The following AHCY variants were observed in gnomAD, a reference collection of about 807,000 sequenced individuals.
AHCY encodes the protein S-adenosyl-L-homocysteine hydrolase.
AHCY carries 24 observed loss-of-function variants against 45.4 expected under a neutral mutation model. That is an observed-to-expected ratio of 0.53 (90% CI 0.38 to 0.74). The LOEUF is 0.74. AHCY is among the 30% of genes least tolerant of loss of function. AHCY has a pLI of 0.00. For synonymous variants in AHCY, 245 were observed against 235.1 expected (o/e 1.04, Z -0.39); for missense variants, 449 against 594.1 (o/e 0.76, Z 2.54).
chr20:34,302,474 G>T, intron 1 of AHCY: 2 of 463,934 alleles, frequency 4.3e-6, no homozygotes, highest in Non-Finnish European at 5.7e-6. Context: ...CTGTAAGACT[G>T]AGGGCAAGTT....
At chr20:34,236,928 A>T in the AHCY span, among the ~76,000 whole-genome samples, 1 of 152,150 alleles carries the variant, frequency 6.6e-6, no homozygotes, top group Non-Finnish European at 1.5e-5. Context: ...GCATGTAGAT[A>T]TCCACTTTTC....
intron 1 of AHCY, chr20:34,302,820 C>G: frequency 9.7e-7 from 1 of 1,030,218 alleles, no homozygotes; most frequent in Non-Finnish European, 1.2e-6. Context: ...CCTCGCCGTC[C>G]CTGTAGGAGG....
chr20:34,281,348 C>T (rs750633488), intron 9 of AHCY, among the ~76,000 whole-genome samples, 183 bp from the exon 10 acceptor site: 9 of 152,226 alleles, frequency 5.9e-5, no homozygotes, highest in Non-Finnish European at 1.0e-4. Flanking sequence ...CCCAGCCCCC[C>T]TCAAAAGGGA....
rs763399683 is a variant in AHCY, at chr20:34,290,951, G to A, written c.559-13C>T. 6.2e-7 allele frequency: 1 copy of A among 1,613,792 alleles called. No homozygotes were observed. Among genetic ancestry groups the A allele is most frequent in the South Asian group, 1.1e-5 (1 of 91,054 alleles). On this transcript the variant is annotated splice_polypyrimidine_tract_variant and intron_variant, in intron 5 of 9. Transcript: ENST00000217426. The surrounding 1 kb of genome is among the most constrained non-coding windows in gnomAD (Gnocchi z 4.5). ...TGTCAAACTTGCTCTGAAAGGAAAGGGGGTAAGGAGACAATAGGGGCAGGC... is the reference window on the plus strand; with the variant it reads ...TGTCAAACTTGCTCTGAAAGGAAAGAGGGTAAGGAGACAATAGGGGCAGGC...
chr20:34,247,389 C>T, the AHCY span, among the ~76,000 whole-genome samples: 1 of 150,986 alleles, frequency 6.6e-6, no homozygotes, highest in South Asian at 2.1e-4. Context: ...CAACCTCCGC[C>T]TCCCGGGTTC....
intron 1 of AHCY, among the ~76,000 whole-genome samples, chr20:34,311,184 CA>C (rs1410789158): frequency 2.6e-5 from 4 of 152,182 alleles, no homozygotes; most frequent in Non-Finnish European, 5.9e-5. Flanking sequence ...GGACAAAAAG[CA>C]AAGTGCAGAA....
chr20:34,291,027 G>T, intron 5 of AHCY, 89 bp from the exon 6 acceptor site: 1 of 1,277,108 alleles, frequency 7.8e-7, no homozygotes, highest in Non-Finnish European at 1.1e-6. Context: ...GAAGAGCCCA[G>T]GCATCATGGG....
At chr20:34,247,149 T>C in the AHCY span, among the ~76,000 whole-genome samples, 2 of 152,026 alleles carry the variant, frequency 1.3e-5, no homozygotes, top group African/African-American at 4.8e-5. Context: ...TGAGCCAATG[T>C]AGCCCGTTGT....
chr20:34,289,204 C>A (rs2036286835), intron 8 of AHCY, among the ~76,000 whole-genome samples: 2 of 151,962 alleles, frequency 1.3e-5, no homozygotes, highest in Non-Finnish European at 2.9e-5. Context: ...GACAGAGTCT[C>A]GCACTGTCAC....
intron 2 of AHCY, among the ~76,000 whole-genome samples, chr20:34,294,995 G>A (rs1264964337): frequency 1.3e-5 from 2 of 152,196 alleles, no homozygotes; most frequent in Non-Finnish European, 2.9e-5. Context: ...GTTAATCATT[G>A]GCACACATGA....
At chr20:34,310,377 G>A (rs1298452060) in intron 1 of AHCY, among the ~76,000 whole-genome samples, 1 of 152,082 alleles carries the variant, frequency 6.6e-6, no homozygotes, top group Non-Finnish European at 1.5e-5. Context: ...TTATTTTTAA[G>A]TTTACTATCA....
the AHCY span, among the ~76,000 whole-genome samples, chr20:34,270,250 T>TAA: frequency 7.1e-6 from 1 of 140,192 alleles, no homozygotes; most frequent in Non-Finnish European, 1.6e-5. Flanking sequence ...AAACTCTGGT[T>TAA]AAAAAAAAAA....
intron 9 of AHCY, among the ~76,000 whole-genome samples, chr20:34,282,778 C>T (rs925476543): frequency 2.0e-5 from 3 of 152,084 alleles, no homozygotes; most frequent in Admixed American, 1.3e-4. Context: ...ATGCAGAAAC[C>T]GAGGAGGACA....
the AHCY span, among the ~76,000 whole-genome samples, chr20:34,268,650 C>A: frequency 6.6e-6 from 1 of 151,860 alleles, no homozygotes; most frequent in African/African-American, 2.4e-5. Context: ...GTGGCAGAAT[C>A]GCCTGAGCCC....
intron 1 of AHCY, among the ~76,000 whole-genome samples, chr20:34,299,312 A>G (rs916878350): frequency 6.6e-6 from 1 of 152,172 alleles, no homozygotes; most frequent in African/African-American, 2.4e-5. Flanking sequence ...TACCTGATGC[A>G]AAATTACCTA....
intron 8 of AHCY, among the ~76,000 whole-genome samples, chr20:34,288,022 C>T (rs890806872): frequency 6.6e-6 from 1 of 152,216 alleles, no homozygotes; most frequent in Non-Finnish European, 1.5e-5. Context: ...AGACAGATGG[C>T]TGTCAGGGGT....
the AHCY span, among the ~76,000 whole-genome samples, chr20:34,258,779 G>GTA: frequency 1.0e-4 from 8 of 80,300 alleles, no homozygotes; most frequent in African/African-American, 3.6e-4. Context: ...AATATATATA[G>GTA]TATATATATA....
rs570467069 is a variant in AHCY at position 34,294,082 on chromosome 20, C to A, written c.294G>T (p.Pro98=). 2 of 1,614,146 alleles carry A rather than the reference C, an allele frequency of 1.2e-6. No homozygotes were observed. The highest frequency in any genetic ancestry group is 1.3e-5 in the African/African-American group (1 of 75,046). The change falls in exon 3 of 10, where the codon CCG becomes CCT. Residue 98 remains proline, a splice_region_variant and synonymous_variant. Coordinates refer to ENST00000217426, the MANE Select transcript of AHCY (RefSeq NM_000687.4). ...GTCTCAGAAGCAAGCAGGACTTACC[C>A]GGAATGCCAGCCTTGGCAATGGCAG... ...AAAAIAKAGI[P]VYAWKGETDE...
intron 9 of AHCY, among the ~76,000 whole-genome samples, chr20:34,281,409 TCTC>T (rs1371744400): frequency 6.6e-6 from 1 of 152,124 alleles, no homozygotes; most frequent in Non-Finnish European, 1.5e-5. Context: ...ATCAATCACA[TCTC>T]CTTCCTCATT....
Sources: gnomAD v4.1 joint callset for allele counts (sites outside exome capture counted in the v4.1 genomes callset) on GRCh38, gnomAD v4.1.1 for gene constraint, Gnocchi (gnomAD v3.1) non-coding constraint, MANE v1.5 for transcripts, NCBI Gene and HGNC (gene_info 2026-07-23, HGNC 2026-07-21) for gene names.